TSPEAR: variants seen among roughly 807,000 people sequenced by gnomAD.
TSPEAR encodes the protein thrombospondin type laminin G domain and EAR repeats, also known as thrombospondin-type laminin G domain and EAR repeat-containing protein.
A neutral mutation model predicts 71.6 loss-of-function variants in TSPEAR; 69 were observed. The ratio of observed to expected loss-of-function variants is 0.96; its 90% CI spans 0.79 to 1.18. The LOEUF is 1.18. TSPEAR is among the 50% of genes most tolerant of loss of function. The pLI is 0.00. For synonymous variants in TSPEAR, 402 were observed against 387.2 expected, an observed-to-expected ratio of 1.04 and a Z score of -0.45; for missense variants, 971 against 894.9, an observed-to-expected ratio of 1.09 and a Z score of -1.09.
intron 1 of TSPEAR, among the ~76,000 whole-genome samples, chr21:44,590,305 A>C (rs1435340482): frequency 6.6e-6 from 1 of 152,170 alleles, no homozygotes; most frequent in Admixed American, 6.5e-5. Flanking sequence ...TGAGTGCCAG[A>C]GCGGAGGGTG....
At chr21:44,509,821 A>G (rs1185694949) in intron 9 of TSPEAR, 4 of 213,652 alleles carry the variant, frequency 1.9e-5, no homozygotes, top group Non-Finnish European at 3.8e-5. Context: ...CTCCTACTCC[A>G]GGCCCCAGTG....
At chr21:44,652,522 T>C (rs1984872292) in intron 1 of TSPEAR, among the ~76,000 whole-genome samples, 1 of 152,238 alleles carries the variant, frequency 6.6e-6, no homozygotes, top group African/African-American at 2.4e-5. Flanking sequence ...TAGTTCATTT[T>C]ACTTCTTGCT....
intron 1 of TSPEAR, among the ~76,000 whole-genome samples, chr21:44,656,605 T>A (rs587682629): frequency 1.3e-5 from 2 of 152,204 alleles, no homozygotes; most frequent in Admixed American, 6.5e-5. Context: ...TCTTCAATAA[T>A]TTTTTGATTT....
intron 5 of TSPEAR, among the ~76,000 whole-genome samples, chr21:44,529,437 C>G (rs1043998144): frequency 1.3e-5 from 2 of 152,156 alleles, no homozygotes; most frequent in Non-Finnish European, 2.9e-5. Flanking sequence ...AGAAATGGCC[C>G]AAACGCTGTC....
intron 11 of TSPEAR, among the ~76,000 whole-genome samples, chr21:44,503,092 A>G (rs587635610): frequency 0.047 from 2,102 of 44,320 alleles, 67 homozygotes; most frequent in African/African-American, 0.11. Context: ...GGGAAGCAAG[A>G]CTCTGGGAGG....
chr21:44,508,609 A>T, intron 10 of TSPEAR: 1 of 1,181,676 alleles, frequency 8.5e-7, no homozygotes, highest in Non-Finnish European at 1.1e-6. Flanking sequence ...ACTGTCCAAA[A>T]TGTGGTGCCC....
At chr21:44,572,395 G>A (rs2053815277) in intron 1 of TSPEAR, among the ~76,000 whole-genome samples, 2 of 152,116 alleles carry the variant, frequency 1.3e-5, no homozygotes, top group Non-Finnish European at 2.9e-5. Flanking sequence ...GTGGTGTCGG[G>A]AAGCTGGCAA....
intron 1 of TSPEAR, among the ~76,000 whole-genome samples, chr21:44,649,482 C>T (rs1984645161): frequency 6.6e-6 from 1 of 152,214 alleles, no homozygotes; most frequent in African/African-American, 2.4e-5. Flanking sequence ...CGTGTGCCAA[C>T]AGCCCCCTTC....
At chr21:44,509,415 G>A (rs782159629) in intron 9 of TSPEAR, 29 bp from the exon 10 acceptor site, 9 of 1,579,576 alleles carry the variant, frequency 5.7e-6, no homozygotes, top group Admixed American at 1.7e-5. Context: ...AGGTGCAGAG[G>A]TGTGGGGGAG....
intron 1 of TSPEAR, among the ~76,000 whole-genome samples, chr21:44,670,724 C>G (rs960195791): frequency 1.3e-5 from 2 of 152,204 alleles, no homozygotes; most frequent in African/African-American, 2.4e-5. Context: ...CACTGGGTCT[C>G]ACACACCCAC....
rs143814541 is a variant in TSPEAR, at chr21:44,527,402, G to T, written c.1039C>A (p.Arg347Ser). 2,203 of 1,614,218 alleles carry T rather than the reference G, an allele frequency of 1.4e-3. 11 individuals are homozygous for T. The highest frequency in any genetic ancestry group is 8.1e-3 in the South Asian group (742 of 91,082). ...QVGLFVATAN[R>S]KATSAVYKWT... ...TTGTAGACGGCGGATGTGGCTTTGC[G>T]ATTGGCTGTGGCCACAAAGAGCCCC... The change falls in exon 7 of 12, where the codon CGC becomes AGC. Residue 347 changes from arginine (R) to serine (S), a missense_variant. Arg to Ser is a moderately radical substitution (Grantham distance 110, BLOSUM62 -1). Coordinates refer to ENST00000323084, the MANE Select transcript of TSPEAR (RefSeq NM_144991.3).
chr21:44,685,737 G>A (rs1237081374), intron 1 of TSPEAR, among the ~76,000 whole-genome samples: 5 of 152,126 alleles, frequency 3.3e-5, no homozygotes, highest in East Asian at 1.9e-4. Context: ...CTCTACCCCC[G>A]GTATAATTTG....
intron 11 of TSPEAR, among the ~76,000 whole-genome samples, chr21:44,500,675 C>CCAAA (rs2052014109): frequency 6.6e-6 from 1 of 152,268 alleles, no homozygotes; most frequent in Non-Finnish European, 1.5e-5. Context: ...TAACACACTT[C>CCAAA]CAAACAAATG....
At chr21:44,525,607 C>T (rs782766270) in intron 8 of TSPEAR, 46 bp downstream of exon 8, 1 of 1,593,040 alleles carries the variant, frequency 6.3e-7, no homozygotes, top group Non-Finnish European at 8.6e-7. Flanking sequence ...TCTCGCTCTG[C>T]CCCTGGAATG....
chr21:44,540,186 G>A (rs1569174831), intron 2 of TSPEAR: 4 of 1,592,110 alleles, frequency 2.5e-6, no homozygotes, highest in Non-Finnish European at 3.4e-6. Context: ...CGGGAGGTGT[G>A]AGTGAGTGAG....
chr21:44,633,611 T>C (rs1054427547), intron 1 of TSPEAR, among the ~76,000 whole-genome samples: 2 of 152,228 alleles, frequency 1.3e-5, no homozygotes, highest in African/African-American at 4.8e-5. Flanking sequence ...TTTCAATAAT[T>C]TTAAATTTAT....
At position 44,612,023 on chromosome 21, in the gene TSPEAR, T is replaced by A; in HGVS notation, c.83-44018A>T. ...CTGTGAGGAAAATACCCAGGGAGGG[T>A]ATAAAACCTCAGCAGCCAGGGCACA... On this transcript the variant is annotated intron_variant, in intron 1 of 11. Transcript: ENST00000323084. The surrounding 1 kb of genome is among the most constrained non-coding windows in gnomAD (Gnocchi z 4.1). The A allele has an allele frequency of 2.1e-6, 3 of 1,429,844 alleles. No individual in the cohort carries two copies. The South Asian group carries it at 3.8e-5, about 18-fold the overall frequency. 88.6% of individuals were successfully genotyped at this position (1,429,844 alleles called of 1,614,324 possible). A position where few individuals can be genotyped will look rare whatever the true frequency, so the allele number is the denominator to read the frequency against.
intron 2 of TSPEAR, among the ~76,000 whole-genome samples, chr21:44,545,408 C>T (rs1008790787): frequency 3.9e-5 from 6 of 151,912 alleles, no homozygotes; most frequent in Admixed American, 3.3e-4. Context: ...ACCCCCTAAA[C>T]AGGTCTAACG....
intron 1 of TSPEAR, among the ~76,000 whole-genome samples, chr21:44,605,587 C>A (rs1426946381): frequency 1.3e-5 from 2 of 152,168 alleles, no homozygotes; most frequent in Non-Finnish European, 2.9e-5. Context: ...CACCATGGGA[C>A]TGACATAAAA....
Sources: allele counts gnomAD v4.1 joint callset (sites outside exome capture counted in the v4.1 genomes callset), GRCh38; gene constraint gnomAD v4.1.1; non-coding constraint Gnocchi (gnomAD v3.1); transcripts MANE v1.5; gene names NCBI Gene and HGNC (gene_info 2026-07-23, HGNC 2026-07-21).